DSC2: variants seen among roughly 807,000 people sequenced by gnomAD.
The protein encoded by DSC2 is desmocollin 2.
In DSC2, 51 loss-of-function variants were observed where a neutral mutation model predicts 87.6. The observed-to-expected ratio is 0.58, with a 90% CI of 0.46 to 0.74. The LOEUF (loss-of-function observed/expected upper bound fraction) is 0.74. DSC2 is among the 30% of genes least tolerant of loss of function. The pLI, the probability that DSC2 is intolerant of heterozygous loss-of-function variation, is 0.00. For synonymous variants in DSC2, 383 were observed against 393.2 expected, an observed-to-expected ratio of 0.97 and a Z score of 0.31; for missense variants, 1,066 against 1,089.5, an observed-to-expected ratio of 0.98 and a Z score of 0.30.
rs1282781917 is a variant in DSC2 at position 31,063,941 on chromosome 18, T to C, written c.*4074A>G. ...TTAGGCAGAATGGCATGATCATATC[T>C]GCTCTTTGATGGCCCTTGAAAAAAG... On this transcript the variant is annotated 3_prime_UTR_variant, in exon 16 of 16. Transcript: ENST00000280904. 1 of 152,198 alleles carries C rather than the reference T, an allele frequency of 6.6e-6. No individual in the cohort carries two copies. The highest frequency in any genetic ancestry group is 1.5e-5 in the Non-Finnish European group (1 of 68,072). 9.4% of individuals were successfully genotyped at this position (152,198 alleles called of 1,614,324 possible). A position where few individuals can be genotyped will look rare whatever the true frequency, so the allele number is the denominator to read the frequency against.
intron 12 of DSC2, among the ~76,000 whole-genome samples, chr18:31,073,150 C>T (rs1275767580): frequency 6.6e-6 from 1 of 151,922 alleles, no homozygotes; most frequent in African/African-American, 2.4e-5. Context: ...ATTACTCAGA[C>T]AAGTACATCT....
Position 31,069,046 on chromosome 18 carries a change from T to C in DSC2, c.2356A>G (p.Met786Val), listed in dbSNP as rs759669860. Residue 786 changes from methionine (M) to valine (V), a missense_variant, in exon 15 of 16, where the codon ATG becomes GTG. By Grantham distance (21) the Met-to-Val change is conservative. Coordinates refer to ENST00000280904, the MANE Select transcript of DSC2 (RefSeq NM_024422.6). ...IKNGGQETIE[M>V]VKGGHQTSES... ...GAGGTCTGGTGTCCTCCTTTCACCA[T>C]TTCGATGGTCTCCTGACCTCCGTTT... The C allele has an allele frequency of 6.2e-7, 1 of 1,614,126 alleles. No individual in the cohort carries two copies. The highest frequency in any genetic ancestry group is 8.5e-7 in the Non-Finnish European group (1 of 1,180,010).
intron 1 of DSC2, among the ~76,000 whole-genome samples, chr18:31,096,452 T>C (rs1437580140): frequency 6.6e-6 from 1 of 152,134 alleles, no homozygotes; most frequent in Non-Finnish European, 1.5e-5. Flanking sequence ...TCTAAGAGGA[T>C]CCGCTCCACA....
rs1196706214 is a variant in DSC2, at chr18:31,101,769, C to A, written c.69+134G>T. 6 of 801,140 alleles carry A rather than the reference C, an allele frequency of 7.5e-6. No homozygotes were observed. The South Asian group carries it at 1.1e-4, about 14-fold the overall frequency. The allele number at this position is 801,140 out of a possible 1,614,324, so 49.6% of individuals were successfully genotyped here. On this transcript the variant is annotated intron_variant, in intron 1 of 15. Transcript: ENST00000280904. ...TGCCCTCCCCCACCCCCGCCAACTCCATTTTCTAGCCACCCAGAGGCCCCT... is the reference window on the plus strand; with the variant it reads ...TGCCCTCCCCCACCCCCGCCAACTCAATTTTCTAGCCACCCAGAGGCCCCT...
In DSC2 at chr18:31,064,294, A is replaced by C. The variant is rs1986562161; in HGVS notation, c.*3721T>G. On this transcript the variant is annotated 3_prime_UTR_variant, in exon 16 of 16. Coordinates refer to ENST00000280904, the MANE Select transcript of DSC2 (RefSeq NM_024422.6). Reference sequence around the variant, plus strand: ...TCCACCGTGTCTTGACTTGCATTCAAGTGTGTGGGTGGGGAGAGTGGCTGA... The same window carrying C: ...TCCACCGTGTCTTGACTTGCATTCACGTGTGTGGGTGGGGAGAGTGGCTGA... 6.6e-6 allele frequency: 1 copy of C among 152,172 alleles called. No individual in the cohort carries two copies. The highest frequency in any genetic ancestry group is 6.5e-5 in the Admixed American group (1 of 15,268). The allele number at this position is 152,172 out of a possible 1,614,324, so 9.4% of individuals were successfully genotyped here.
chr18:31,086,047 AAG>A (rs1987384360), intron 7 of DSC2, among the ~76,000 whole-genome samples: 2 of 152,104 alleles, frequency 1.3e-5, no homozygotes, highest in African/African-American at 2.4e-5. Flanking sequence ...TTAATAGAGA[AAG>A]AATATATAAA....
chr18:31,085,518 C>G (rs1987368097), intron 7 of DSC2, among the ~76,000 whole-genome samples: 1 of 151,296 alleles, frequency 6.6e-6, no homozygotes, highest in Non-Finnish European at 1.5e-5. Flanking sequence ...TAAACATTAA[C>G]AAGTAACATA....
intron 7 of DSC2, among the ~76,000 whole-genome samples, chr18:31,084,664 G>GTT (rs1402851938): frequency 7.0e-6 from 1 of 142,178 alleles, no homozygotes. Context: ...TTGAGTTTTT[G>GTT]CTTTTTTTTT....
intron 14 of DSC2, 136 bp downstream of exon 14, chr18:31,070,590 T>C (rs1986789411): frequency 8.3e-7 from 1 of 1,205,182 alleles, no homozygotes; most frequent in African/African-American, 1.5e-5. Flanking sequence ...TTTTATCTGT[T>C]TCAGGGGACC....
At chr18:31,084,241 T>C (rs1326223084) in intron 7 of DSC2, among the ~76,000 whole-genome samples, 1 of 152,090 alleles carries the variant, frequency 6.6e-6, no homozygotes, top group African/African-American at 2.4e-5. Flanking sequence ...CCAGATTTAC[T>C]CCTCCCTCAT....
intron 4 of DSC2, 63 bp downstream of exon 4, chr18:31,090,965 A>T: frequency 1.9e-6 from 3 of 1,603,024 alleles, no homozygotes; most frequent in Non-Finnish European, 2.6e-6. Context: ...CTTCATACTC[A>T]GTGTCATAAT....
rs1032664992 is a variant in DSC2 at position 31,065,103 on chromosome 18, C to G, written c.*2912G>C. On this transcript the variant is annotated 3_prime_UTR_variant, in exon 16 of 16. Transcript: ENST00000280904. ...TTTACCTGCCTTTTCAGTTAAGCAT[C>G]AAGATTTATCACACTGACTTCTGGC... The G allele has an allele frequency of 2.0e-5, 3 of 152,242 alleles. No individual in the cohort carries two copies. The highest frequency in any genetic ancestry group is 6.5e-5 in the Admixed American group (1 of 15,282). 9.4% of individuals were successfully genotyped at this position (152,242 alleles called of 1,614,324 possible).
chr18:31,088,635 C>A (rs537642875), intron 5 of DSC2, among the ~76,000 whole-genome samples: 1 of 152,022 alleles, frequency 6.6e-6, no homozygotes, highest in South Asian at 2.1e-4. Context: ...GAAATCAAAC[C>A]AGCATTAGGT....
In DSC2 at chr18:31,080,230, T is replaced by C. The variant is rs1237360419; in HGVS notation, c.1386A>G (p.Val462=). The change falls in exon 10 of 16, where the codon GTA becomes GTG. Residue 462 remains valine, a synonymous_variant. Coordinates refer to ENST00000280904, the MANE Select transcript of DSC2 (RefSeq NM_024422.6). Reference sequence around the variant, plus strand: ...ACTCAGGGCCCTCATCCTGATCTTCTACATTAACAGTAACTGTTGCTGTGC... The same window carrying C: ...ACTCAGGGCCCTCATCCTGATCTTCCACATTAACAGTAACTGTTGCTGTGC... ...AMSTATVTVN[V]EDQDEGPECN... The C allele has an allele frequency of 1.9e-6, 3 of 1,614,008 alleles. No individual in the cohort carries two copies. The highest frequency in any genetic ancestry group is 2.5e-6 in the Non-Finnish European group (3 of 1,180,020).
intron 9 of DSC2, among the ~76,000 whole-genome samples, chr18:31,081,963 G>A (rs1386405030): frequency 6.6e-6 from 1 of 151,870 alleles, no homozygotes; most frequent in Non-Finnish European, 1.5e-5. Context: ...ACTGTCCCAG[G>A]GGCATCAAAG....
At chr18:31,068,325 G>C in intron 15 of DSC2, 113 bp from the exon 16 acceptor site, 2 of 1,613,304 alleles carry the variant, frequency 1.2e-6, no homozygotes, top group Non-Finnish European at 1.7e-6. Context: ...TTTAATCAGA[G>C]TGTGTCCTCT....
In DSC2 at chr18:31,064,465, T is replaced by G. The variant is rs571086953; in HGVS notation, c.*3550A>C. 6.6e-6 allele frequency: 1 copy of G among 152,166 alleles called. No individual in the cohort carries two copies. The highest frequency in any genetic ancestry group is 2.4e-5 in the African/African-American group (1 of 41,452). 9.4% of individuals were successfully genotyped at this position (152,166 alleles called of 1,614,324 possible). On this transcript the variant is annotated 3_prime_UTR_variant, in exon 16 of 16. Coordinates refer to ENST00000280904, the MANE Select transcript of DSC2 (RefSeq NM_024422.6). The stretch of plus-strand genomic sequence containing the variant: ...AATTGTGTCTACAATTCTCAAAAGT[T>G]TGGCAGTTTTTGGCAAAAAATAGAG...
chr18:31,101,594 T>G (rs1987958348), intron 1 of DSC2: 1 of 342,568 alleles, frequency 2.9e-6, no homozygotes, highest in Non-Finnish European at 5.3e-6. Context: ...CGGCGCACCC[T>G]GCTCCCCGGC....
At position 31,066,804 on chromosome 18, in the gene DSC2, C is replaced by A. The variant is rs150342759; in HGVS notation, c.*1211G>T. The A allele has an allele frequency of 6.6e-6, 1 of 152,100 alleles. No homozygotes were observed. The highest frequency in any genetic ancestry group is 2.4e-5 in the African/African-American group (1 of 41,512). 9.4% of individuals were successfully genotyped at this position (152,100 alleles called of 1,614,324 possible). ...TTTACAAACACACAGATATGACTAG[C>A]CATTTTATCTAAGTTATAAAATAGT... On this transcript the variant is annotated 3_prime_UTR_variant, in exon 16 of 16. Coordinates refer to ENST00000280904, the MANE Select transcript of DSC2 (RefSeq NM_024422.6).
Sources: allele counts gnomAD v4.1 joint callset (sites outside exome capture counted in the v4.1 genomes callset), GRCh38; gene constraint gnomAD v4.1.1; transcripts MANE v1.5; gene names NCBI Gene and HGNC (gene_info 2026-07-23, HGNC 2026-07-21).